Variants in IL4I1 observed in about 807,000 individuals in gnomAD.
IL4I1 encodes L-amino-acid oxidase.
In IL4I1, 24 loss-of-function variants were observed where a neutral mutation model predicts 29.7. That is an observed-to-expected ratio of 0.81 (90% CI 0.59 to 1.14). The LOEUF is 1.14. IL4I1 is among the 50% of genes most tolerant of loss of function. The pLI, the probability that IL4I1 is intolerant of heterozygous loss-of-function variation, is 0.00. For synonymous variants in IL4I1, 371 were observed against 352.5 expected (o/e 1.05, Z -0.59); for missense variants, 686 against 785.6 (o/e 0.87, Z 1.52).
intron 4 of IL4I1, 58 bp downstream of exon 4, chr19:49,895,010 C>T (rs1021011119): frequency 6.1e-6 from 8 of 1,321,856 alleles, no homozygotes; most frequent in Non-Finnish European, 7.6e-6. Context: ...CTGGTGTGGG[C>T]ATGGAGCTGG....
chr19:49,915,854 C>T (rs940063467), intron 2 of IL4I1, among the ~76,000 whole-genome samples: 3 of 152,166 alleles, frequency 2.0e-5, no homozygotes, highest in African/African-American at 4.8e-5. Context: ...CACCCAGCCA[C>T]GATAGGCCAT....
intron 2 of IL4I1, chr19:49,907,355 C>G (rs1402669534): frequency 3.2e-6 from 1 of 315,718 alleles, no homozygotes; most frequent in Admixed American, 4.8e-5. Context: ...CCTCTCGGCG[C>G]CCATCTGTGG....
At chr19:49,896,109 C>T in intron 2 of IL4I1, 39 bp downstream of exon 2, 1 of 1,569,622 alleles carries the variant, frequency 6.4e-7, no homozygotes. Context: ...GAGAGGGGTT[C>T]TACTCACTTG....
chr19:49,896,146 A>ATG lies in IL4I1; in HGVS notation c.13+1_13+2insCA. ...TCCAGAGCCCCTCCCCTGCTTACTC[A>ATG]CCCAATGGGGCCATGACTCTCGGTG... On this transcript the variant is annotated splice_donor_variant, in intron 2 of 7. Transcript: ENST00000391826. LOFTEE classifies it high-confidence loss of function. 3.3e-6 allele frequency: 5 copies of ATG among 1,534,666 alleles called. No individual in the cohort carries two copies. Among genetic ancestry groups the ATG allele is most frequent in the Non-Finnish European group, 4.4e-6 (5 of 1,137,148 alleles).
At chr19:49,927,508 G>A (rs2075929614) in intron 2 of IL4I1, among the ~76,000 whole-genome samples, 1 of 152,202 alleles carries the variant, frequency 6.6e-6, no homozygotes, top group Non-Finnish European at 1.5e-5. Flanking sequence ...CTCAGTCTAT[G>A]CTCTTAGCTG....
Position 49,890,096 on chromosome 19 carries a change from C to T in IL4I1, c.1278G>A (p.Leu426=), listed in dbSNP as rs774978694. 3.9e-6 allele frequency: 6 copies of T among 1,545,338 alleles called. No individual in the cohort carries two copies. The South Asian group carries it at 7.1e-5, about 18-fold the overall frequency. Residue 426 remains leucine, a synonymous_variant, in exon 8 of 8, where the codon TTG becomes TTA. Coordinates refer to ENST00000391826, the MANE Select transcript of IL4I1 (RefSeq NM_152899.2). ...LRLALDDVAA[L]HGPVVRQLWD... ...AGAGCTGGCGCACGACAGGCCCGTG[C>T]AATGCCGCCACGTCGTCGAGCGCCA...
chr19:49,895,665 C>T (rs1416804509), intron 3 of IL4I1, 150 bp downstream of exon 3: 3 of 788,906 alleles, frequency 3.8e-6, no homozygotes, highest in East Asian at 5.2e-5. Context: ...GGGGCTTGGG[C>T]CTCACCCCCA....
chr19:49,915,263 T>C (rs899852348), intron 2 of IL4I1, among the ~76,000 whole-genome samples: 1 of 152,066 alleles, frequency 6.6e-6, no homozygotes, highest in Non-Finnish European at 1.5e-5. Context: ...GTGATGAAGA[T>C]AAAGAGGTTA....
Position 49,890,238 on chromosome 19 carries a change from G to A in IL4I1, c.1136C>T (p.Pro379Leu), listed in dbSNP as rs867686368. Residue 379 changes from proline (P) to leucine (L), a missense_variant, in exon 8 of 8, where the codon CCG (proline) becomes CTG (leucine). Coordinates refer to ENST00000391826, the MANE Select transcript of IL4I1 (RefSeq NM_152899.2). The stretch of plus-strand genomic sequence containing the variant: ...CGGCGGGTAGAAAATCATGCGCGAC[G>A]GGCGATCGGTGTTTGAGTGGCCGCC... ...IEGGHSNTDR[P>L]SRMIFYPPPR... 2.6e-6 allele frequency: 4 copies of A among 1,561,234 alleles called. No homozygotes were observed. The East Asian group carries it at 9.6e-5, about 38-fold the overall frequency.
chr19:49,914,026 T>A (rs4801811), intron 2 of IL4I1, among the ~76,000 whole-genome samples: 18,605 of 151,952 alleles, frequency 0.12, 1,435 homozygotes, highest in East Asian at 0.38. Flanking sequence ...AGTGTTAAAT[T>A]TGCACCAAAA....
chr19:49,908,530 C>A, intron 2 of IL4I1: 2 of 1,614,166 alleles, frequency 1.2e-6, no homozygotes, highest in Middle Eastern at 3.3e-4. Context: ...GCTCCTCATC[C>A]GCGTGCTGCA....
chr19:49,903,845 T>G (rs1323342401), intron 3 of IL4I1, among the ~76,000 whole-genome samples: 6 of 143,732 alleles, frequency 4.2e-5, no homozygotes, highest in Non-Finnish European at 7.6e-5. Context: ...TTTTTTTTTT[T>G]TTTTTTTTTT....
chr19:49,895,799 A>G lies in IL4I1; in HGVS notation c.252+16T>C. On this transcript the variant is annotated intron_variant, in intron 3 of 7. Coordinates refer to ENST00000391826, the MANE Select transcript of IL4I1 (RefSeq NM_152899.2). Reference sequence around the variant, plus strand: ...GCAGGAGGGACTCCAGGTAGACTGCAAGCAGTGCTTCCCACCTTGTGTCCA... The same window carrying G: ...GCAGGAGGGACTCCAGGTAGACTGCGAGCAGTGCTTCCCACCTTGTGTCCA... 1 of 1,600,318 alleles carries G rather than the reference A, an allele frequency of 6.2e-7. No individual in the cohort carries two copies. The highest frequency in any genetic ancestry group is 2.3e-5 in the East Asian group (1 of 43,970).
In IL4I1 at chr19:49,890,140, G is replaced by A. The variant is rs752768926; in HGVS notation, c.1234C>T (p.Arg412Trp). ...AGCGCCAAGCGCAACGCCTCTTCCCGGCTCAAGCCGGCGAACGCTGCCGCC... is the reference window on the plus strand; with the variant it reads ...AGCGCCAAGCGCAACGCCTCTTCCCAGCTCAAGCCGGCGAACGCTGCCGCC... ...DAAAAFAGLS[R>W]EEALRLALDD... The change falls in exon 8 of 8, where the codon CGG (arginine) becomes TGG (tryptophan). Residue 412 changes from arginine to tryptophan, a missense_variant. Transcript: ENST00000391826. 2.6e-6 allele frequency: 4 copies of A among 1,541,434 alleles called. No homozygotes were observed. Among genetic ancestry groups the A allele is most frequent in the South Asian group, 2.4e-5 (2 of 83,962 alleles).
chr19:49,895,767 G>A (rs889808655), intron 3 of IL4I1, 48 bp downstream of exon 3: 2 of 1,307,732 alleles, frequency 1.5e-6, no homozygotes, highest in South Asian at 2.3e-5. Context: ...AGGGACTCCA[G>A]CCTGCAGCAG....
In IL4I1 at chr19:49,896,194, G is replaced by A. The variant is rs2075208315; in HGVS notation, c.-22-12C>T. ...GTGGGAGATGGTGTCTGGGGTGGAG[G>A]AGAAGGGAGGGCTGTTGTGACTGAG... On this transcript the variant is annotated splice_polypyrimidine_tract_variant and intron_variant, in intron 1 of 7. Transcript: ENST00000391826. 11 of 1,496,284 alleles carry A rather than the reference G, an allele frequency of 7.4e-6. No homozygotes were observed. Among genetic ancestry groups the A allele is most frequent in the African/African-American group, 1.4e-5 (1 of 71,450 alleles). The allele number at this position is 1,496,284 out of a possible 1,614,324, so 92.7% of individuals were successfully genotyped here.
intron 2 of IL4I1, among the ~76,000 whole-genome samples, chr19:49,914,890 C>T (rs974188202): frequency 6.6e-6 from 1 of 151,802 alleles, no homozygotes; most frequent in East Asian, 1.9e-4. Flanking sequence ...CAGGCGTGCA[C>T]CACCATGCCC....
intron 5 of IL4I1, 61 bp downstream of exon 5, chr19:49,894,207 G>T: frequency 6.6e-7 from 1 of 1,518,542 alleles, no homozygotes; most frequent in Non-Finnish European, 9.0e-7. Context: ...AGCCGGGCCG[G>T]GGCGAGCTTA....
At position 49,889,859 on chromosome 19, in the gene IL4I1, G is replaced by A. The variant is rs1400070279; in HGVS notation, c.1515C>T (p.Asn505=). Reference sequence around the variant, plus strand: ...TGTCCGATGCAGGCCCCTTCCGGCTGTTGATCTTGATGGCGGCGCGCAGCG... The same window carrying A: ...TGTCCGATGCAGGCCCCTTCCGGCTATTGATCTTGATGGCGGCGCGCAGCG... ...KSALRAAIKI[N]SRKGPASDTA... Residue 505 remains asparagine (N), a synonymous_variant, in exon 8 of 8, where the codon AAC becomes AAT. Transcript: ENST00000391826. 6.3e-7 allele frequency: 1 copy of A among 1,595,182 alleles called. No individual in the cohort carries two copies.
Sources: allele counts gnomAD v4.1 joint callset (sites outside exome capture counted in the v4.1 genomes callset), GRCh38; gene constraint gnomAD v4.1.1; transcripts MANE v1.5; gene names NCBI Gene and HGNC (gene_info 2026-07-23, HGNC 2026-07-21).